R3HDM1: variants seen among roughly 807,000 people sequenced by gnomAD.
R3HDM1 encodes R3H domain-containing protein 1.
Under a neutral mutation model 141.1 loss-of-function variants are expected in R3HDM1, and 46 were observed. That is an observed-to-expected ratio of 0.33 (90% CI 0.26 to 0.42). The LOEUF is 0.42. Ranked by LOEUF, R3HDM1 falls within the 10% of genes least tolerant of loss-of-function variation. R3HDM1 has a pLI of 1.00. For missense variants in R3HDM1, 1,184 were observed against 1,368.3 expected (o/e 0.87, Z 2.12); for synonymous variants, 435 against 472.9 (o/e 0.92, Z 1.04).
At chr2:135,658,208 C>G (rs2066180731) in intron 18 of R3HDM1, among the ~76,000 whole-genome samples, 2 of 152,174 alleles carry the variant, frequency 1.3e-5, no homozygotes, top group Non-Finnish European at 2.9e-5. Context: ...GCTCTGCCGC[C>G]AGGCTGGAGT....
intron 19 of R3HDM1, among the ~76,000 whole-genome samples, chr2:135,673,621 A>T (rs997434570): frequency 1.3e-5 from 2 of 152,240 alleles, no homozygotes; most frequent in Non-Finnish European, 2.9e-5. Context: ...AAAGGTTTAG[A>T]AAACAGCATA....
intron 1 of R3HDM1, among the ~76,000 whole-genome samples, chr2:135,589,643 T>C (rs1260275875): frequency 6.6e-6 from 1 of 152,162 alleles, no homozygotes; most frequent in African/African-American, 2.4e-5. Context: ...CAGTTAACAC[T>C]GCTCTACTCA....
intron 21 of R3HDM1, among the ~76,000 whole-genome samples, chr2:135,707,171 C>G (rs1354065421): frequency 6.6e-6 from 1 of 152,252 alleles, no homozygotes; most frequent in Non-Finnish European, 1.5e-5. Flanking sequence ...CTTTGAATGA[C>G]TAGGCCTGGT....
At chr2:135,721,739 C>G (rs1001976538) in intron 24 of R3HDM1, 185 bp from the exon 25 acceptor site, 4 of 434,294 alleles carry the variant, frequency 9.2e-6, no homozygotes, top group East Asian at 4.7e-5. Flanking sequence ...AGGCGCCCAC[C>G]ACCAGGCCTG....
At chr2:135,650,405 G>T (rs1402461035) in intron 17 of R3HDM1, 1 of 984,568 alleles carries the variant, frequency 1.0e-6, no homozygotes, top group African/African-American at 1.7e-5. Context: ...TTCTTAGGGT[G>T]AGTTGTAGCT....
chr2:135,541,222 A>T (rs1697410576), intron 1 of R3HDM1, among the ~76,000 whole-genome samples: 1 of 151,234 alleles, frequency 6.6e-6, no homozygotes, highest in Non-Finnish European at 1.5e-5. Context: ...TTTTTTGGAG[A>T]CAGAGTCTTG....
chr2:135,614,402 C>G (rs2060823134), intron 3 of R3HDM1, among the ~76,000 whole-genome samples: 1 of 152,130 alleles, frequency 6.6e-6, no homozygotes, highest in Non-Finnish European at 1.5e-5. Context: ...CAGTTCCTAA[C>G]CTTTAATAAT....
intron 14 of R3HDM1, among the ~76,000 whole-genome samples, chr2:135,639,829 G>T (rs1296902883): frequency 1.3e-5 from 2 of 152,194 alleles, no homozygotes; most frequent in African/African-American, 4.8e-5. Flanking sequence ...GGGCGCAGTG[G>T]CTCATGCCTG....
At chr2:135,688,073 C>G (rs1365083827) in intron 21 of R3HDM1, among the ~76,000 whole-genome samples, 1 of 152,166 alleles carries the variant, frequency 6.6e-6, no homozygotes, top group African/African-American at 2.4e-5. Context: ...AAGCACATTC[C>G]CATCTGAGGT....
At chr2:135,593,367 A>G (rs1409149108) in intron 1 of R3HDM1, among the ~76,000 whole-genome samples, 5 of 152,182 alleles carry the variant, frequency 3.3e-5, no homozygotes, top group Non-Finnish European at 7.4e-5. Flanking sequence ...TTAAGGCAAA[A>G]TACATTTTAC....
chr2:135,580,548 A>G (rs750328101), intron 1 of R3HDM1, among the ~76,000 whole-genome samples: 7 of 152,148 alleles, frequency 4.6e-5, no homozygotes, highest in Non-Finnish European at 8.8e-5. Context: ...TAGAGGACTC[A>G]TCCATTTGAT....
intron 21 of R3HDM1, among the ~76,000 whole-genome samples, chr2:135,683,952 A>AC (rs1427484011): frequency 1.6e-4 from 24 of 148,138 alleles, no homozygotes; most frequent in East Asian, 1.4e-3. Flanking sequence ...TCTGTCTCAT[A>AC]AATACATACA....
At chr2:135,539,510 G>T (rs976680547) in intron 1 of R3HDM1, among the ~76,000 whole-genome samples, 2 of 152,122 alleles carry the variant, frequency 1.3e-5, no homozygotes, top group South Asian at 4.1e-4. Flanking sequence ...TGATTGTATT[G>T]ATACAGCAAC....
chr2:135,587,786 A>T (rs11902203), intron 1 of R3HDM1, among the ~76,000 whole-genome samples: 24,697 of 150,396 alleles, frequency 0.16, 5,533 homozygotes, highest in African/African-American at 0.51. Flanking sequence ...TTCCTTTAGG[A>T]TTCTGTTTGT....
chr2:135,693,704 C>G (rs1002251381), intron 21 of R3HDM1, among the ~76,000 whole-genome samples: 12 of 152,232 alleles, frequency 7.9e-5, no homozygotes, highest in African/African-American at 2.9e-4. Flanking sequence ...AGAGAAAGAA[C>G]TAAAGGAGAA....
chr2:135,577,856 A>T (rs1286420804), intron 1 of R3HDM1, among the ~76,000 whole-genome samples: 1 of 151,818 alleles, frequency 6.6e-6, no homozygotes, highest in Non-Finnish European at 1.5e-5. Context: ...AAAAAAAAAA[A>T]AAAGTGAAAC....
chr2:135,658,972 GTCTCCTATGTGGAGCTGTCA>G (rs2066279983), intron 18 of R3HDM1, among the ~76,000 whole-genome samples: 1 of 151,308 alleles, frequency 6.6e-6, no homozygotes, highest in African/African-American at 2.4e-5. Flanking sequence ...TGGAGCTGTC[GTCTCCTATGTGGAGCTGTCA>G]TCTCCTATGA....
intron 7 of R3HDM1, among the ~76,000 whole-genome samples, chr2:135,630,281 CAAAAAAAAAAAAAA>C (rs911009655): frequency 6.1e-4 from 24 of 39,320 alleles, no homozygotes; most frequent in East Asian, 4.4e-3. Context: ...CCTTCTCAAC[CAAAAAAAAAAAAAA>C]AAAAAAAAAA....
chr2:135,541,043 G>A (rs1046054880), intron 1 of R3HDM1, among the ~76,000 whole-genome samples: 1 of 152,138 alleles, frequency 6.6e-6, no homozygotes, highest in East Asian at 1.9e-4. Context: ...TTAAGTATTC[G>A]TAAATAGCAT....
Sources: allele counts gnomAD v4.1 joint callset (sites outside exome capture counted in the v4.1 genomes callset), GRCh38; gene constraint gnomAD v4.1.1; transcripts MANE v1.5; gene names NCBI Gene and HGNC (gene_info 2026-07-23, HGNC 2026-07-21).